Variants in MAPKBP1 observed in about 807,000 individuals in gnomAD.
MAPKBP1 encodes the protein mitogen-activated protein kinase-binding protein 1.
Under a neutral mutation model 170.5 loss-of-function variants are expected in MAPKBP1, and 71 were observed. The observed-to-expected ratio is 0.42, with a 90% CI of 0.34 to 0.51. The LOEUF (loss-of-function observed/expected upper bound fraction) is 0.51. MAPKBP1 is among the 20% of genes least tolerant of loss of function. The probability of loss-of-function intolerance (pLI) is 0.06; values close to 1 mark genes in which losing one functional copy is unlikely to be tolerated. For synonymous variants in MAPKBP1, 719 were observed against 757.9 expected (o/e 0.95, Z 0.84); for missense variants, 1,598 against 1,933.0 (o/e 0.83, Z 3.25).
chr15:41,822,310 A>G lies in MAPKBP1; in HGVS notation c.3117A>G (p.Glu1039=). 6.8e-6 allele frequency: 11 copies of G among 1,614,058 alleles called. No individual in the cohort carries two copies. Among genetic ancestry groups the G allele is most frequent in the Non-Finnish European group, 8.5e-6 (10 of 1,180,000 alleles). The change falls in exon 26 of 31, where the codon GAA becomes GAG. Residue 1039 remains glutamate (E), a synonymous_variant. Transcript: ENST00000457542. ...EPAEGDEEEE[E]EEGGMGPYGL... is the part of the protein sequence containing the mutation. The stretch of plus-strand genomic sequence containing the variant: ...CTGAGGGTGATGAAGAAGAGGAAGA[A>G]GAGGAGGGAGGCATGGGCCCCTATG...
chr15:41,819,714 G>A, intron 22 of MAPKBP1, 64 bp downstream of exon 22: 1 of 1,505,250 alleles, frequency 6.6e-7, no homozygotes, highest in Non-Finnish European at 9.1e-7. Context: ...TGTGAGAACA[G>A]GGCTCTCTGG....
intron 2 of MAPKBP1, among the ~76,000 whole-genome samples, chr15:41,786,422 C>T (rs1283914288): frequency 6.6e-6 from 1 of 151,882 alleles, no homozygotes; most frequent in Non-Finnish European, 1.5e-5. Flanking sequence ...AATTTAAAAT[C>T]CGTATGCTCA....
intron 2 of MAPKBP1, among the ~76,000 whole-genome samples, chr15:41,780,384 A>AAGTTGGG (rs1567132196): frequency 1.3e-5 from 2 of 152,096 alleles, no homozygotes; most frequent in East Asian, 3.8e-4. Flanking sequence ...GTTATCACTG[A>AAGTTGGG]CCCTTTGTTT....
At chr15:41,781,204 T>C (rs2577952) in intron 2 of MAPKBP1, among the ~76,000 whole-genome samples, 107,232 of 151,334 alleles carry the variant, frequency 0.71, 40,069 homozygotes, top group East Asian at 0.88. Context: ...GCCTCCCGAG[T>C]AGCTGGGATT....
intron 3 of MAPKBP1, among the ~76,000 whole-genome samples, chr15:41,810,324 G>C (rs1256113072): frequency 6.6e-6 from 1 of 152,136 alleles, no homozygotes; most frequent in African/African-American, 2.4e-5. Flanking sequence ...TAGGGGCCTG[G>C]CTGGGGGGAC....
In MAPKBP1 at chr15:41,815,664, C is replaced by G; in HGVS notation, c.1358C>G (p.Ala453Gly). 1 of 1,614,028 alleles carries G rather than the reference C, an allele frequency of 6.2e-7. No individual in the cohort carries two copies. The highest frequency in any genetic ancestry group is 8.5e-7 in the Non-Finnish European group (1 of 1,179,956). ...ATCTATGTGGATGGGAACACCCAGG[C>G]CCTGCTGGACACAGAGCTGCCTGGA... Reference protein sequence around the residue: ...KIIYVDGNTQALLDTELPGGD... With the variant: ...KIIYVDGNTQGLLDTELPGGD... The change falls in exon 12 of 31, where the codon GCC becomes GGC. Residue 453 changes from alanine to glycine, a missense_variant. Physicochemically the swap from Ala to Gly is moderately conservative, Grantham distance 60. Around this residue, in one of 6 missense-constraint regions of MAPKBP1, gnomAD observed 430 missense variants for 617.2 expected, o/e 0.70. Coordinates refer to ENST00000457542, the MANE Select transcript of MAPKBP1 (RefSeq NM_014994.3).
rs369010736 is a variant in MAPKBP1, at chr15:41,812,172, G to C, written c.498+45G>C. The C allele has an allele frequency of 2.2e-4, 353 of 1,609,946 alleles. 1 individual carries two copies. Among genetic ancestry groups the C allele is most frequent in the Admixed American group, 3.0e-4 (18 of 59,878 alleles). On this transcript the variant is annotated intron_variant, in intron 6 of 30. Transcript: ENST00000457542. The stretch of plus-strand genomic sequence containing the variant: ...GGCCTGGCAGCCTCACAGGGGTCAA[G>C]TGTCAGCTGGGGAGGCAAGAGACTG...
At position 41,822,003 on chromosome 15, in the gene MAPKBP1, G is replaced by T. The variant is rs2065006245; in HGVS notation, c.2924G>T (p.Gly975Val). 6.2e-7 allele frequency: 1 copy of T among 1,610,680 alleles called. No homozygotes were observed. The highest frequency in any genetic ancestry group is 8.5e-7 in the Non-Finnish European group (1 of 1,178,456). Residue 975 changes from glycine to valine, a missense_variant, in exon 25 of 31, where the codon GGA becomes GTA. Physicochemically the swap from Gly to Val is moderately radical, Grantham distance 109. Coordinates refer to ENST00000457542, the MANE Select transcript of MAPKBP1 (RefSeq NM_014994.3). ...CAGGCTCCAGCCCGGGGAACTCTGGGAAGAGTGTACCCAGGCAGCAGGAGC... is the reference window on the plus strand; with the variant it reads ...CAGGCTCCAGCCCGGGGAACTCTGGTAAGAGTGTACCCAGGCAGCAGGAGC... The part of the protein sequence containing the change: ...QVQAPARGTL[G>V]RVYPGSRSSE...
chr15:41,793,840 C>T (rs2152072121), intron 2 of MAPKBP1, among the ~76,000 whole-genome samples: 1 of 152,316 alleles, frequency 6.6e-6, no homozygotes, highest in East Asian at 1.9e-4. Context: ...GCTTAGCAGT[C>T]AGAAAGAGGG....
chr15:41,819,194 T>C lies in MAPKBP1; in HGVS notation c.2292-52T>C, dbSNP rs2064944000. 3.8e-6 allele frequency: 6 copies of C among 1,597,130 alleles called. No individual in the cohort carries two copies. In the South Asian group the frequency reaches 6.6e-5, roughly 18 times the overall value. ...TTCCTTCTTCCCCCACTGAGCCTCCTCTCCCCCTATTGAGTCTCCTCTCCC... is the reference window on the plus strand; with the variant it reads ...TTCCTTCTTCCCCCACTGAGCCTCCCCTCCCCCTATTGAGTCTCCTCTCCC... On this transcript the variant is annotated intron_variant, in intron 20 of 30. Coordinates refer to ENST00000457542, the MANE Select transcript of MAPKBP1 (RefSeq NM_014994.3).
chr15:41,813,485 C>T, intron 8 of MAPKBP1, 136 bp from the exon 9 acceptor site: 1 of 1,415,696 alleles, frequency 7.1e-7, no homozygotes, highest in Non-Finnish European at 9.9e-7. Context: ...GGGCTCAGAA[C>T]AGGGCAGCTG....
intron 30 of MAPKBP1, among the ~76,000 whole-genome samples, 193 bp downstream of exon 30, chr15:41,824,762 C>A (rs1321902664): frequency 5.9e-5 from 9 of 152,186 alleles, no homozygotes; most frequent in Non-Finnish European, 1.3e-4. Flanking sequence ...GCGGTCATTT[C>A]TGGTTAAGAG....
At chr15:41,819,476 G>A (rs2064949155) in intron 21 of MAPKBP1, 97 bp downstream of exon 21, 4 of 1,581,646 alleles carry the variant, frequency 2.5e-6, no homozygotes, top group Non-Finnish European at 2.6e-6. Context: ...AGTGTGAGCT[G>A]AGGAAACTGA....
intron 3 of MAPKBP1, among the ~76,000 whole-genome samples, chr15:41,801,243 T>C (rs1428581880): frequency 6.6e-6 from 1 of 152,176 alleles, no homozygotes; most frequent in East Asian, 1.9e-4. Flanking sequence ...AGAAGAGAAG[T>C]AGGGGAGTGG....
chr15:41,820,334 C>A (rs1415768732), intron 22 of MAPKBP1, among the ~76,000 whole-genome samples: 1 of 152,004 alleles, frequency 6.6e-6, no homozygotes, highest in East Asian at 1.9e-4. Flanking sequence ...ACTTTGGGGC[C>A]CCCAGCTATT....
At chr15:41,807,287 CAG>C (rs2064714968) in intron 3 of MAPKBP1, among the ~76,000 whole-genome samples, 2 of 152,178 alleles carry the variant, frequency 1.3e-5, no homozygotes, top group African/African-American at 2.4e-5. Context: ...AAGGAGGAAA[CAG>C]AGGATATTGT....
chr15:41,806,216 TTGA>T (rs763679824), intron 3 of MAPKBP1, among the ~76,000 whole-genome samples: 5 of 152,122 alleles, frequency 3.3e-5, no homozygotes, highest in Admixed American at 6.5e-5. Flanking sequence ...TGATTACAAA[TTGA>T]TGTGTGCTTT....
At position 41,817,343 on chromosome 15, in the gene MAPKBP1, A is replaced by G; in HGVS notation, c.1712-45A>G. On this transcript the variant is annotated intron_variant, in intron 14 of 30. Coordinates refer to ENST00000457542, the MANE Select transcript of MAPKBP1 (RefSeq NM_014994.3). This position sits in a 1 kb window ranked among gnomAD's most constrained non-coding sequence, Gnocchi z 4.2. ...GGAAGGTGGGAGGCAGGCTGCTCCC[A>G]TGTGGTGAGAACAGTGGGAACAGCT... 6.3e-7 allele frequency: 1 copy of G among 1,595,078 alleles called. No individual in the cohort carries two copies. The highest frequency in any genetic ancestry group is 8.6e-7 in the Non-Finnish European group (1 of 1,162,636).
Position 41,818,514 on chromosome 15 carries a change from C to T in MAPKBP1, c.2093-5C>T. The T allele has an allele frequency of 6.2e-7, 1 of 1,611,788 alleles. No individual in the cohort carries two copies. The highest frequency in any genetic ancestry group is 8.5e-7 in the Non-Finnish European group (1 of 1,178,818). On this transcript the variant is annotated splice_region_variant and splice_polypyrimidine_tract_variant and intron_variant, in intron 18 of 30. Transcript: ENST00000457542. The surrounding 1 kb of genome is among the most constrained non-coding windows in gnomAD (Gnocchi z 5.2). ...CTTATAGACCGTATTCTTTGTTCTT[C>T]ACAGAGATTGTCACTGGCATGAAAT...
Sources: gnomAD v4.1 joint callset for allele counts (sites outside exome capture counted in the v4.1 genomes callset) on GRCh38, gnomAD v4.1.1 for gene constraint, gnomAD v4.1.1 regional missense constraint, Gnocchi (gnomAD v3.1) non-coding constraint, MANE v1.5 for transcripts, NCBI Gene and HGNC (gene_info 2026-07-23, HGNC 2026-07-21) for gene names.